Variants in SYT14 observed in about 807,000 individuals in gnomAD.
The protein encoded by SYT14 is synaptotagmin 14, also known as synaptotagmin-14.
Under a neutral mutation model 74.2 loss-of-function variants are expected in SYT14, and 32 were observed. The ratio of observed to expected loss-of-function variants is 0.43; its 90% CI spans 0.33 to 0.58. The LOEUF is 0.58. SYT14 is among the 20% of genes least tolerant of loss of function. SYT14 has a pLI of 0.05. For synonymous variants in SYT14, 298 were observed against 337.7 expected, an observed-to-expected ratio of 0.88 and a Z score of 1.29; for missense variants, 791 against 981.8, an observed-to-expected ratio of 0.81 and a Z score of 2.60.
At chr1:210,098,057 T>G (rs11119405) in intron 6 of SYT14, among the ~76,000 whole-genome samples, 22,645 of 151,862 alleles carry the variant, frequency 0.15, 5,386 homozygotes, top group African/African-American at 0.5. Context: ...TGCCTGTGAT[T>G]CCAGCTACTC....
At chr1:210,039,922 AC>A in intron 5 of SYT14, among the ~76,000 whole-genome samples, 1 of 152,258 alleles carries the variant, frequency 6.6e-6, no homozygotes, top group Middle Eastern at 3.4e-3. Context: ...ACACTTTTAC[AC>A]TGTTGGTGGG....
At chr1:209,991,421 A>G (rs539974961) in intron 2 of SYT14, among the ~76,000 whole-genome samples, 1 of 152,312 alleles carries the variant, frequency 6.6e-6, no homozygotes, top group African/African-American at 2.4e-5. Flanking sequence ...AAGGAATGCA[A>G]ACAACTCAAC....
rs781171851 is a variant in SYT14 at position 210,112,516 on chromosome 1, T to C, written c.2034+12055T>C. 1.3e-5 allele frequency among the ~76,000 whole-genome samples: 2 copies of C among 151,036 alleles called. 1 individual carries two copies. Among genetic ancestry groups the C allele is most frequent in the African/African-American group, 4.9e-5 (2 of 40,444 alleles). On this transcript the variant is annotated intron_variant, in intron 7 of 9. Transcript: ENST00000637265. The stretch of plus-strand genomic sequence containing the variant: ...ACCATTTGCCTTGTGTCGGAAGAGA[T>C]TGATAAGTGGAAGTTGTAGTGGGGG...
chr1:210,151,921 C>T (rs1196928611), intron 7 of SYT14, among the ~76,000 whole-genome samples: 1 of 152,128 alleles, frequency 6.6e-6, no homozygotes, highest in Non-Finnish European at 1.5e-5. Flanking sequence ...GGCAGTATGA[C>T]TTCTGTGTAT....
At chr1:210,070,655 G>C (rs765147356) in intron 5 of SYT14, among the ~76,000 whole-genome samples, 1 of 152,070 alleles carries the variant, frequency 6.6e-6, no homozygotes, top group Non-Finnish European at 1.5e-5. Flanking sequence ...TAAAACAAAT[G>C]CCCGTTGTTT....
chr1:210,019,558 C>T (rs2080261613), intron 4 of SYT14, among the ~76,000 whole-genome samples: 1 of 152,112 alleles, frequency 6.6e-6, no homozygotes, highest in Admixed American at 6.5e-5. Flanking sequence ...CAAGCACTGC[C>T]ACAATATATG....
At chr1:209,942,802 T>TA (rs1450797647) in intron 1 of SYT14, among the ~76,000 whole-genome samples, 1 of 152,126 alleles carries the variant, frequency 6.6e-6, no homozygotes, top group African/African-American at 2.4e-5. Context: ...TTTGCCAAAG[T>TA]AAAAAATAAA....
intron 5 of SYT14, among the ~76,000 whole-genome samples, chr1:210,066,716 G>A (rs545251191): frequency 5.3e-5 from 8 of 152,062 alleles, no homozygotes; most frequent in Non-Finnish European, 1.0e-4. Context: ...CTGTGCAGAA[G>A]CTTTTTAGTT....
At chr1:210,077,214 C>T (rs533397062) in intron 5 of SYT14, among the ~76,000 whole-genome samples, 88 of 152,260 alleles carry the variant, frequency 5.8e-4, no homozygotes, top group Non-Finnish European at 9.6e-4. Flanking sequence ...CAGCACTTCA[C>T]ATGGTGAAAG....
At chr1:210,161,040 T>G (rs2083363946) in exon 10 of SYT14, 1 of 1,613,482 alleles carries the variant, frequency 6.2e-7, no homozygotes, top group South Asian at 1.1e-5. Context: ...GCTAGAGTCA[T>G]GATGAATAGA....
chr1:210,002,882 A>G (rs1285468800), intron 2 of SYT14, among the ~76,000 whole-genome samples: 1 of 152,082 alleles, frequency 6.6e-6, no homozygotes, highest in Admixed American at 6.6e-5. Context: ...TCCATATAAT[A>G]TATTATTGGG....
At chr1:209,981,526 A>G (rs1162853468) in intron 2 of SYT14, among the ~76,000 whole-genome samples, 6 of 138,460 alleles carry the variant, frequency 4.3e-5, no homozygotes, top group African/African-American at 1.6e-4. Flanking sequence ...ATTGTAGCTC[A>G]CTGCACCTCA....
At chr1:210,052,665 CAAAAAA>C (rs561069342) in intron 5 of SYT14, among the ~76,000 whole-genome samples, 1 of 42,252 alleles carries the variant, frequency 2.4e-5, no homozygotes, top group African/African-American at 1.1e-4. Context: ...TACATCTCAC[CAAAAAA>C]AAAAAAAAAA....
intron 2 of SYT14, 23 bp downstream of exon 2, chr1:209,952,779 T>G (rs534374265): frequency 6.3e-7 from 1 of 1,588,598 alleles, no homozygotes; most frequent in Admixed American, 1.7e-5. Context: ...TCTGCATGGC[T>G]ATTTACATAC....
In SYT14 at chr1:209,939,445, G is replaced by T. The variant is rs544736452; in HGVS notation, c.-534+1168G>T. Among the ~76,000 whole-genome samples the T allele has an allele frequency of 2.6e-5, 4 of 152,328 alleles. No individual in the cohort carries two copies. In the East Asian group the frequency reaches 7.7e-4, roughly 29 times the overall value. On this transcript the variant is annotated intron_variant, in intron 1 of 9. Transcript: ENST00000637265. The stretch of plus-strand genomic sequence containing the variant: ...TGTGGACTCCAAAGTAGAGTTAGCT[G>T]TGTGTTTACATGTAGCTTATTTATT...
chr1:210,045,207 AAGTT>A (rs1224558995), intron 5 of SYT14, among the ~76,000 whole-genome samples: 1 of 152,226 alleles, frequency 6.6e-6, no homozygotes, highest in South Asian at 2.1e-4. Context: ...TCATCAGTGT[AAGTT>A]AGTCAACAAA....
chr1:210,130,290 C>T (rs996306200), intron 7 of SYT14, among the ~76,000 whole-genome samples: 1 of 151,792 alleles, frequency 6.6e-6, no homozygotes, highest in Non-Finnish European at 1.5e-5. Flanking sequence ...TCATTAGAAG[C>T]TTAGTACATT....
At chr1:210,145,519 C>T (rs1256798673) in intron 7 of SYT14, among the ~76,000 whole-genome samples, 2 of 152,078 alleles carry the variant, frequency 1.3e-5, no homozygotes, top group East Asian at 1.9e-4. Context: ...TGAGGACATA[C>T]AAAGATGAAT....
chr1:210,145,022 A>G (rs1344751479), intron 7 of SYT14, among the ~76,000 whole-genome samples: 1 of 152,216 alleles, frequency 6.6e-6, no homozygotes, highest in Admixed American at 6.5e-5. Context: ...TAAGAAATCA[A>G]GGAAGTCAGC....
Sources: allele counts gnomAD v4.1 joint callset (sites outside exome capture counted in the v4.1 genomes callset), GRCh38; gene constraint gnomAD v4.1.1; transcripts MANE v1.5; gene names NCBI Gene and HGNC (gene_info 2026-07-23, HGNC 2026-07-21).